Variants in EPHA6 observed in about 807,000 individuals in gnomAD.
EPHA6 encodes EPH receptor A6.
A neutral mutation model predicts 112.0 loss-of-function variants in EPHA6; 50 were observed. The ratio of observed to expected loss-of-function variants is 0.45; its 90% CI spans 0.36 to 0.56. EPHA6 has a LOEUF of 0.56. EPHA6 is among the 20% of genes least tolerant of loss of function. The pLI is 0.00. For missense variants in EPHA6, 1,280 were observed against 1,417.4 expected, an observed-to-expected ratio of 0.90 and a Z score of 1.56; for synonymous variants, 529 against 490.7, an observed-to-expected ratio of 1.08 and a Z score of -1.03.
intron 10 of EPHA6, among the ~76,000 whole-genome samples, chr3:97,530,399 T>C (rs2092682254): frequency 6.6e-6 from 1 of 152,036 alleles, no homozygotes. Flanking sequence ...TTAGCGCAGA[T>C]ACCATCTTCT....
intron 3 of EPHA6, among the ~76,000 whole-genome samples, chr3:97,089,765 G>C (rs908745826): frequency 5.9e-5 from 9 of 152,004 alleles, no homozygotes; most frequent in Non-Finnish European, 1.2e-4. Context: ...CTAGAAGTAG[G>C]AAGTGACTTC....
At chr3:97,254,079 G>GT (rs1170573013) in intron 5 of EPHA6, among the ~76,000 whole-genome samples, 1 of 151,484 alleles carries the variant, frequency 6.6e-6, no homozygotes, top group Non-Finnish European at 1.5e-5. Context: ...TTATCTGCTG[G>GT]TTTTTTTTAG....
In EPHA6 at chr3:97,408,677, C is replaced by G. The variant is rs186414822; in HGVS notation, c.1731+3403C>G. ...TAGACAGTGGTTTTCTCACTGTGTC[C>G]TCACATGGCAGAAGGGTATGGGAGT... On this transcript the variant is annotated intron_variant, in intron 6 of 17. Coordinates refer to ENST00000389672, the MANE Select transcript of EPHA6 (RefSeq NM_001080448.3). Among the ~76,000 whole-genome samples, 292 of 151,972 alleles carry G rather than the reference C, an allele frequency of 1.9e-3. 3 individuals carry two copies. The highest frequency in any genetic ancestry group is 6.8e-3 in the African/African-American group (284 of 41,478).
intron 1 of EPHA6, among the ~76,000 whole-genome samples, chr3:96,844,380 A>G (rs1174768086): frequency 1.3e-5 from 2 of 152,042 alleles, no homozygotes; most frequent in African/African-American, 2.4e-5. Context: ...ACAAAAATGT[A>G]TGTCATGCAT....
intron 1 of EPHA6, among the ~76,000 whole-genome samples, chr3:96,818,333 G>T (rs2032969490): frequency 6.6e-6 from 1 of 152,000 alleles, no homozygotes; most frequent in Admixed American, 6.6e-5. Flanking sequence ...TAAGGGTGTG[G>T]CTCATGCTTT....
intron 5 of EPHA6, among the ~76,000 whole-genome samples, chr3:97,321,112 A>G (rs1032926331): frequency 3.9e-5 from 6 of 151,928 alleles, no homozygotes; most frequent in East Asian, 3.9e-4. Flanking sequence ...GTATGCTTTT[A>G]TTGTTTGGGG....
At position 96,916,794 on chromosome 3, in the gene EPHA6, T is replaced by G. The variant is rs562104532; in HGVS notation, c.450+49905T>G. On this transcript the variant is annotated intron_variant, in intron 2 of 17. Coordinates refer to ENST00000389672, the MANE Select transcript of EPHA6 (RefSeq NM_001080448.3). The stretch of plus-strand genomic sequence containing the variant: ...GTCTTCAGAACGGAGTGCCAATGAG[T>G]TCAAAATACTAGTTAATCAGGAAAT... Among the ~76,000 whole-genome samples, 21 of 152,164 alleles carry G rather than the reference T, an allele frequency of 1.4e-4. No individual in the cohort carries two copies. In the East Asian group the frequency reaches 4.1e-3, roughly 30 times the overall value.
At chr3:97,483,649 G>A (rs576648576) in intron 9 of EPHA6, among the ~76,000 whole-genome samples, 2 of 152,180 alleles carry the variant, frequency 1.3e-5, no homozygotes, top group Non-Finnish European at 2.9e-5. Context: ...CATAGTGAAT[G>A]AGTGAGCTGA....
At chr3:97,507,272 C>G (rs1173809400) in intron 10 of EPHA6, among the ~76,000 whole-genome samples, 1 of 152,130 alleles carries the variant, frequency 6.6e-6, no homozygotes, top group Non-Finnish European at 1.5e-5. Flanking sequence ...CCAGCTTTTG[C>G]CCATTCACTA....
chr3:97,313,104 T>G (rs1034165075), intron 5 of EPHA6, among the ~76,000 whole-genome samples: 1 of 151,584 alleles, frequency 6.6e-6, no homozygotes, highest in Admixed American at 6.6e-5. Flanking sequence ...TTACCAACTT[T>G]CTACTCTCTA....
At chr3:97,583,807 T>C (rs1481968790) in intron 11 of EPHA6, among the ~76,000 whole-genome samples, 1 of 152,070 alleles carries the variant, frequency 6.6e-6, no homozygotes, top group Non-Finnish European at 1.5e-5. Flanking sequence ...ATAGAGAAAG[T>C]TTATAAAGAA....
At chr3:97,164,802 T>C (rs930379248) in intron 3 of EPHA6, among the ~76,000 whole-genome samples, 4 of 152,140 alleles carry the variant, frequency 2.6e-5, no homozygotes, top group Non-Finnish European at 4.4e-5. Context: ...TCTGCTTTCA[T>C]GATGTCACTT....
intron 3 of EPHA6, among the ~76,000 whole-genome samples, chr3:97,113,591 A>G (rs1415592027): frequency 6.6e-6 from 1 of 152,156 alleles, no homozygotes; most frequent in African/African-American, 2.4e-5. Flanking sequence ...TGCAGCTGAA[A>G]TAATGAAGGC....
rs370970752 is a variant in EPHA6 at position 97,018,898 on chromosome 3, C to T, written c.1114+30905C>T. 1.2e-4 allele frequency among the ~76,000 whole-genome samples: 19 copies of T among 152,300 alleles called. No individual in the cohort carries two copies. The South Asian group carries it at 2.7e-3, about 22-fold the overall frequency. The stretch of plus-strand genomic sequence containing the variant: ...AGACCACGGTCCGCCTGGCAACGGG[C>T]GTCTTCCCAGACGCTGGCGTTACCG... On this transcript the variant is annotated intron_variant, in intron 3 of 17. Coordinates refer to ENST00000389672, the MANE Select transcript of EPHA6 (RefSeq NM_001080448.3).
At chr3:97,689,215 C>T (rs1376959162) in intron 14 of EPHA6, among the ~76,000 whole-genome samples, 1 of 152,080 alleles carries the variant, frequency 6.6e-6, no homozygotes, top group African/African-American at 2.4e-5. Context: ...AAGTAAACTT[C>T]GATGTTCATA....
intron 2 of EPHA6, among the ~76,000 whole-genome samples, chr3:96,919,549 T>A (rs1167323941): frequency 6.6e-6 from 1 of 151,832 alleles, no homozygotes; most frequent in Non-Finnish European, 1.5e-5. Context: ...TTTTTTATAT[T>A]TATGTCTATT....
At chr3:97,583,404 T>C (rs189529880) in intron 11 of EPHA6, among the ~76,000 whole-genome samples, 192 of 151,306 alleles carry the variant, frequency 1.3e-3, no homozygotes, top group Non-Finnish European at 1.9e-3. Flanking sequence ...CTGAGCGTGG[T>C]GGTGGGCGCC....
chr3:96,841,725 A>ATT (rs11388996), intron 1 of EPHA6, among the ~76,000 whole-genome samples: 13 of 151,778 alleles, frequency 8.6e-5, no homozygotes, highest in Admixed American at 8.5e-4. Flanking sequence ...AACTTTTGTC[A>ATT]TTTTTTTCTA....
intron 3 of EPHA6, among the ~76,000 whole-genome samples, chr3:97,174,225 G>T (rs1301019707): frequency 6.6e-6 from 1 of 151,574 alleles, no homozygotes; most frequent in African/African-American, 2.4e-5. Context: ...TGAACCATTA[G>T]ATCTCATTCT....
Sources: gnomAD v4.1 joint callset for allele counts (sites outside exome capture counted in the v4.1 genomes callset) on GRCh38, gnomAD v4.1.1 for gene constraint, MANE v1.5 for transcripts, NCBI Gene and HGNC (gene_info 2026-07-23, HGNC 2026-07-21) for gene names.